Variants in AGMO observed in about 807,000 individuals in gnomAD.
The protein encoded by AGMO is alkylglycerol monooxygenase.
AGMO carries 75 observed loss-of-function variants against 60.2 expected under a neutral mutation model. The observed-to-expected ratio is 1.25, with a 90% confidence interval of 1.03 to 1.51. AGMO has a LOEUF of 1.51. Among genes scored for constraint, AGMO ranks in the 40% most tolerant of loss-of-function variants. The pLI is 0.00. For synonymous variants in AGMO, 261 were observed against 177.1 expected, an observed-to-expected ratio of 1.47 and a Z score of -3.76; for missense variants, 763 against 525.5, an observed-to-expected ratio of 1.45 and a Z score of -4.42.
intron 12 of AGMO, among the ~76,000 whole-genome samples, chr7:15,295,191 TTGAG>T (rs1325186594): frequency 2.6e-5 from 4 of 152,074 alleles, no homozygotes; most frequent in African/African-American, 7.2e-5. Context: ...GAGAAATGAT[TTGAG>T]TATTTGTTGT....
At chr7:15,131,831 A>T in the AGMO span, among the ~76,000 whole-genome samples, 1 of 151,766 alleles carries the variant, frequency 6.6e-6, no homozygotes. Flanking sequence ...GGAAGCCAAA[A>T]GGAGACAGCT....
chr7:15,118,190 AC>A, the AGMO span, among the ~76,000 whole-genome samples: 1 of 151,492 alleles, frequency 6.6e-6, no homozygotes, highest in Non-Finnish European at 1.5e-5. Flanking sequence ...ACACACACAC[AC>A]ACACACACAC....
chr7:15,445,712 T>A (rs1010291312), intron 3 of AGMO, among the ~76,000 whole-genome samples: 3 of 152,198 alleles, frequency 2.0e-5, no homozygotes, highest in African/African-American at 7.2e-5. Flanking sequence ...CTACACCAAA[T>A]GTCCCAGACA....
chr7:15,534,868 T>C (rs1360393611), intron 3 of AGMO, among the ~76,000 whole-genome samples: 1 of 151,822 alleles, frequency 6.6e-6, no homozygotes, highest in Non-Finnish European at 1.5e-5. Flanking sequence ...TGTATTTTAA[T>C]ATTATTTAGA....
At chr7:15,535,791 C>A (rs1784471615) in intron 3 of AGMO, among the ~76,000 whole-genome samples, 2 of 151,868 alleles carry the variant, frequency 1.3e-5, no homozygotes, top group African/African-American at 4.8e-5. Flanking sequence ...AGGCTACAAA[C>A]AATTCAGTTA....
intron 12 of AGMO, among the ~76,000 whole-genome samples, chr7:15,251,714 G>A (rs1464047153): frequency 6.6e-6 from 1 of 152,168 alleles, no homozygotes; most frequent in South Asian, 2.1e-4. Context: ...ATTCCTCCCA[G>A]TTGAGTCCTT....
chr7:15,522,296 T>C (rs760577979), intron 3 of AGMO, among the ~76,000 whole-genome samples: 1 of 152,198 alleles, frequency 6.6e-6, no homozygotes, highest in Non-Finnish European at 1.5e-5. Context: ...ATAGATTCAA[T>C]GCTATCTCCA....
intron 3 of AGMO, among the ~76,000 whole-genome samples, chr7:15,528,925 G>A (rs910601663): frequency 1.3e-5 from 2 of 152,236 alleles, no homozygotes; most frequent in East Asian, 3.9e-4. Context: ...TGGGATTAGA[G>A]GCATGAGACA....
intron 12 of AGMO, among the ~76,000 whole-genome samples, chr7:15,253,948 T>C (rs1193484252): frequency 6.6e-6 from 1 of 151,982 alleles, no homozygotes; most frequent in African/African-American, 2.4e-5. Context: ...GATTGTGTAG[T>C]ATTTTTTTTT....
At chr7:15,362,407 G>A (rs768480950) in intron 12 of AGMO, among the ~76,000 whole-genome samples, 4 of 152,138 alleles carry the variant, frequency 2.6e-5, no homozygotes, top group Non-Finnish European at 5.9e-5. Flanking sequence ...ACTTGCTCAA[G>A]TTTAATCATT....
intron 12 of AGMO, among the ~76,000 whole-genome samples, chr7:15,228,157 C>T (rs1782147388): frequency 6.6e-6 from 1 of 152,034 alleles, no homozygotes; most frequent in South Asian, 2.1e-4. Context: ...TAGTATTTCT[C>T]TCCACAGGAA....
the AGMO span, among the ~76,000 whole-genome samples, chr7:15,184,425 AG>A: frequency 2.1e-4 from 14 of 67,416 alleles, no homozygotes; most frequent in African/African-American, 7.2e-4. Flanking sequence ...AGGAAGGAAA[AG>A]AAGGAAGGAA....
intron 1 of AGMO, 29 bp downstream of exon 1, chr7:15,561,691 A>G: frequency 6.4e-7 from 1 of 1,564,954 alleles, no homozygotes; most frequent in Non-Finnish European, 8.7e-7. Flanking sequence ...CAGCAAGAAT[A>G]AGAGTAGCCT....
chr7:15,405,792 T>C (rs1241456618), intron 5 of AGMO, among the ~76,000 whole-genome samples: 2 of 151,792 alleles, frequency 1.3e-5, no homozygotes, highest in African/African-American at 2.4e-5. Flanking sequence ...ATTTATTCAG[T>C]CAAAAAACAG....
chr7:15,235,431 G>C (rs796652219), intron 12 of AGMO, among the ~76,000 whole-genome samples: 28 of 152,222 alleles, frequency 1.8e-4, no homozygotes, highest in African/African-American at 6.7e-4. Flanking sequence ...TATCAAGTAA[G>C]GTTGAAATTT....
At chr7:15,323,342 T>C (rs2128540754) in intron 12 of AGMO, among the ~76,000 whole-genome samples, 1 of 152,166 alleles carries the variant, frequency 6.6e-6, no homozygotes, top group South Asian at 2.1e-4. Flanking sequence ...TGTTAATACA[T>C]TGATATAAAA....
chr7:15,163,734 A>C, the AGMO span, among the ~76,000 whole-genome samples: 72,847 of 151,416 alleles, frequency 0.48, 17,822 homozygotes, highest in East Asian at 0.73. Flanking sequence ...TATTCTGTTA[A>C]AAATTTTTGC....
intron 6 of AGMO, among the ~76,000 whole-genome samples, chr7:15,391,453 C>T (rs1441442789): frequency 6.6e-6 from 1 of 151,832 alleles, no homozygotes; most frequent in Admixed American, 6.6e-5. Flanking sequence ...TTTCCTGCCG[C>T]TAAATAATTA....
At chr7:15,444,950 G>A (rs1780741272) in intron 3 of AGMO, among the ~76,000 whole-genome samples, 1 of 152,152 alleles carries the variant, frequency 6.6e-6, no homozygotes. Flanking sequence ...CCAGGGAGCT[G>A]ACATCTAGGG....
Sources: gnomAD v4.1 joint callset for allele counts (sites outside exome capture counted in the v4.1 genomes callset) on GRCh38, gnomAD v4.1.1 for gene constraint, MANE v1.5 for transcripts, NCBI Gene and HGNC (gene_info 2026-07-23, HGNC 2026-07-21) for gene names.